Variants in CRIP2 observed in about 807,000 individuals in gnomAD.
The protein encoded by CRIP2 is cysteine rich protein 2, also known as cysteine-rich protein 2.
CRIP2 carries 31 observed loss-of-function variants against 31.3 expected under a neutral mutation model. The observed-to-expected ratio is 0.99, with a 90% CI of 0.74 to 1.34. The LOEUF (loss-of-function observed/expected upper bound fraction) is 1.34, where lower values mean the gene tolerates loss of function less well. CRIP2 is among the 40% of genes most tolerant of loss of function. CRIP2 has a pLI of 0.00. For synonymous variants in CRIP2, 177 were observed against 127.2 expected (o/e 1.39, Z -2.63); for missense variants, 389 against 301.6 (o/e 1.29, Z -2.15).
Position 105,479,313 on chromosome 14 carries a change from T to G in CRIP2, c.501+94T>G, listed in dbSNP as rs2084034869. ...CGCGCCTAGAGGGGATGGGGGGTGG[T>G]GCTTCTGGGAGCTGCGCTGCCCTCT... is the stretch of plus-strand genomic sequence containing the variant. On this transcript the variant is annotated intron_variant, in intron 6 of 7. Coordinates refer to ENST00000329146, the MANE Select transcript of CRIP2 (RefSeq NM_001312.4). 3 of 1,515,206 alleles carry G rather than the reference T, an allele frequency of 2.0e-6. No individual in the cohort carries two copies. In the East Asian group the frequency reaches 6.9e-5, roughly 35 times the overall value. 93.9% of individuals were successfully genotyped at this position (1,515,206 alleles called of 1,614,324 possible).
At position 105,474,918 on chromosome 14, in the gene CRIP2, C is replaced by G. The variant is rs1201147181; in HGVS notation, c.43+13C>G. On this transcript the variant is annotated intron_variant, in intron 1 of 7. Transcript: ENST00000329146. This position sits in a 1 kb window ranked among gnomAD's most constrained non-coding sequence, Gnocchi z 5.1. ...ACCGTGTACTTCGGTGAGTGCGTGCCCGCTCCCGGCCCGCTCGGTGCATCC... is the reference window on the plus strand; with the variant it reads ...ACCGTGTACTTCGGTGAGTGCGTGCGCGCTCCCGGCCCGCTCGGTGCATCC... 38 of 1,507,546 alleles carry G rather than the reference C, an allele frequency of 2.5e-5. No homozygotes were observed. Among genetic ancestry groups the G allele is most frequent in the Non-Finnish European group, 3.2e-5 (36 of 1,127,892 alleles). 93.4% of individuals were successfully genotyped at this position (1,507,546 alleles called of 1,614,324 possible).
In CRIP2 at chr14:105,478,910, C is replaced by A; in HGVS notation, c.337+39C>A. The A allele has an allele frequency of 1.3e-6, 2 of 1,487,484 alleles. No individual in the cohort carries two copies. The highest frequency in any genetic ancestry group is 2.3e-5 in the Admixed American group (1 of 43,060). 92.1% of individuals were successfully genotyped at this position (1,487,484 alleles called of 1,614,324 possible). A position where few individuals can be genotyped will look rare whatever the true frequency, so the allele number is the denominator to read the frequency against. ...GGGCTGGGGCTGGGGGTTGTGGGCACGCGCGGGCTGGGGCTGGGGGTTGTG... is the reference window on the plus strand; with the variant it reads ...GGGCTGGGGCTGGGGGTTGTGGGCAAGCGCGGGCTGGGGCTGGGGGTTGTG... On this transcript the variant is annotated intron_variant, in intron 4 of 7. Transcript: ENST00000329146. This position sits in a 1 kb window ranked among gnomAD's most constrained non-coding sequence, Gnocchi z 4.9.
At position 105,478,241 on chromosome 14, in the gene CRIP2, C is replaced by G. The variant is rs1555436317; in HGVS notation, c.44-25C>G. ...GGTGCGGGGCGCGCCCCGGCCCTGA[C>G]CCCCCTGCCGCCCCTCCCGCTCAGC... On this transcript the variant is annotated intron_variant, in intron 1 of 7. Coordinates refer to ENST00000329146, the MANE Select transcript of CRIP2 (RefSeq NM_001312.4). This position sits in a 1 kb window ranked among gnomAD's most constrained non-coding sequence, Gnocchi z 4.9. 1 of 1,505,784 alleles carries G rather than the reference C, an allele frequency of 6.6e-7. No individual in the cohort carries two copies. Among genetic ancestry groups the G allele is most frequent in the African/African-American group, 1.4e-5 (1 of 69,906 alleles). 93.3% of individuals were successfully genotyped at this position (1,505,784 alleles called of 1,614,324 possible).
At position 105,476,616 on chromosome 14, in the gene CRIP2, C is replaced by T. The variant is rs1325685040; in HGVS notation, c.44-1650C>T. On this transcript the variant is annotated intron_variant, in intron 1 of 7. Coordinates refer to ENST00000329146, the MANE Select transcript of CRIP2 (RefSeq NM_001312.4). ...TCCCTGCCCCCACTTGGCCCACGTC[C>T]CAGAGCTGGCCAGAGCACAGTGCTG... The T allele has an allele frequency of 8.1e-6, 8 of 985,374 alleles. No individual in the cohort carries two copies. In the African/African-American group the frequency reaches 8.7e-5, roughly 11 times the overall value. 61.0% of individuals were successfully genotyped at this position (985,374 alleles called of 1,614,324 possible). A position where few individuals can be genotyped will look rare whatever the true frequency, so the allele number is the denominator to read the frequency against.
In CRIP2 at chr14:105,478,457, G is replaced by T. The variant is rs1555436407; in HGVS notation, c.146G>T (p.Gly49Val). Residue 49 changes from glycine (G) to valine (V), a missense_variant, in exon 3 of 8, where the codon GGG becomes GTG. Transcript: ENST00000329146. The surrounding 1 kb of genome is among the most constrained non-coding windows in gnomAD (Gnocchi z 4.9). Reference protein sequence around the residue: ...LTPGGHAEHDGKPFCHKPCYA... With the variant: ...LTPGGHAEHDVKPFCHKPCYA... ...CCGCGCCCCTCTGCGCAGCATGACG[G>T]GAAGCCGTTCTGCCACAAGCCGTGC... The T allele has an allele frequency of 1.2e-6, 2 of 1,606,028 alleles. No homozygotes were observed. The highest frequency in any genetic ancestry group is 3.3e-5 in the Admixed American group (2 of 59,824).
At chr14:105,474,202 G>A (rs1375482563), upstream of CRIP2, 8 of 152,662 alleles carry the variant, frequency 5.2e-5, no homozygotes, top group African/African-American at 1.9e-4. The surrounding 1 kb of genome is among the most constrained non-coding windows in gnomAD (Gnocchi z 5.1). Context: ...CAGCACCACA[G>A]ACAGTGTTGG....
At chr14:105,476,112 G>C in intron 1 of CRIP2, 1 of 985,530 alleles carries the variant, frequency 1.0e-6, no homozygotes, top group Non-Finnish European at 1.2e-6. Context: ...CTCAGTCTCT[G>C]TCCCAGCGAG....
At chr14:105,473,005 T>C (rs2083868500), upstream of CRIP2, 2 of 601,898 alleles carry the variant, frequency 3.3e-6, no homozygotes, top group South Asian at 2.0e-5. Flanking sequence ...AGAAGAGCCC[T>C]GTGTTCAGCC....
chr14:105,479,981 C>A lies in CRIP2; in HGVS notation c.*328C>A. ...TCTCCCTCTCCTGCTGCCCACCCAC[C>A]TGCCAGTGTTATTTATGCTCCCTTC... is the stretch of plus-strand genomic sequence containing the variant. On this transcript the variant is annotated 3_prime_UTR_variant, in exon 8 of 8. Coordinates refer to ENST00000329146, the MANE Select transcript of CRIP2 (RefSeq NM_001312.4). 1 of 369,796 alleles carries A rather than the reference C, an allele frequency of 2.7e-6. No individual in the cohort carries two copies. The highest frequency in any genetic ancestry group is 3.0e-5 in the South Asian group (1 of 33,148). 22.9% of individuals were successfully genotyped at this position (369,796 alleles called of 1,614,324 possible). A position where few individuals can be genotyped will look rare whatever the true frequency, so the allele number is the denominator to read the frequency against.
In CRIP2 at chr14:105,478,495, T is replaced by G; in HGVS notation, c.184T>G (p.Phe62Val). 6.2e-7 allele frequency: 1 copy of G among 1,609,130 alleles called. No individual in the cohort carries two copies. The highest frequency in any genetic ancestry group is 8.5e-7 in the Non-Finnish European group (1 of 1,179,056). The change falls in exon 3 of 8, where the codon TTC (phenylalanine) becomes GTC (valine). Residue 62 changes from phenylalanine (F) to valine (V), a missense_variant. By Grantham distance (50) the Phe-to-Val change is conservative. Coordinates refer to ENST00000329146, the MANE Select transcript of CRIP2 (RefSeq NM_001312.4). This position sits in a 1 kb window ranked among gnomAD's most constrained non-coding sequence, Gnocchi z 4.9. ...FCHKPCYATL[F>V]GPKGVNIGGA... Reference sequence around the variant, plus strand: ...CCACAAGCCGTGCTACGCCACCCTGTTCGGACCCAAAGGTGAGCTCCGGCT... The same window carrying G: ...CCACAAGCCGTGCTACGCCACCCTGGTCGGACCCAAAGGTGAGCTCCGGCT...
At position 105,478,923 on chromosome 14, in the gene CRIP2, G is replaced by A; in HGVS notation, c.337+52G>A. On this transcript the variant is annotated intron_variant, in intron 4 of 7. Coordinates refer to ENST00000329146, the MANE Select transcript of CRIP2 (RefSeq NM_001312.4). The surrounding 1 kb of genome is among the most constrained non-coding windows in gnomAD (Gnocchi z 4.9). ...GGGTTGTGGGCACGCGCGGGCTGGGGCTGGGGGTTGTGGGCACCCCCGGCC... is the reference window on the plus strand; with the variant it reads ...GGGTTGTGGGCACGCGCGGGCTGGGACTGGGGGTTGTGGGCACCCCCGGCC... The A allele has an allele frequency of 6.6e-7, 1 of 1,522,898 alleles. No homozygotes were observed. The highest frequency in any genetic ancestry group is 8.8e-7 in the Non-Finnish European group (1 of 1,140,204). The allele number at this position is 1,522,898 out of a possible 1,614,324, so 94.3% of individuals were successfully genotyped here.
At chr14:105,476,988 C>G (rs2083945207) in intron 1 of CRIP2, 1 of 180,338 alleles carries the variant, frequency 5.5e-6, no homozygotes, top group Non-Finnish European at 1.1e-5. Flanking sequence ...ATGCCCCTCC[C>G]CGATATCTGC....
In CRIP2 at chr14:105,478,584, G is replaced by A; in HGVS notation, c.196+77G>A. ...GCGCTGGCGCTGGGGAGGGCTGGGG[G>A]TCCCGGCCGCCGTGGATCCCCGCCC... On this transcript the variant is annotated intron_variant, in intron 3 of 7. Coordinates refer to ENST00000329146, the MANE Select transcript of CRIP2 (RefSeq NM_001312.4). This position sits in a 1 kb window ranked among gnomAD's most constrained non-coding sequence, Gnocchi z 4.9. The A allele has an allele frequency of 1.3e-6, 2 of 1,539,286 alleles. No homozygotes were observed. Among genetic ancestry groups the A allele is most frequent in the Non-Finnish European group, 1.8e-6 (2 of 1,142,124 alleles).
intron 1 of CRIP2, chr14:105,475,214 G>C (rs762299971): frequency 3.4e-6 from 1 of 297,388 alleles, no homozygotes; most frequent in African/African-American, 2.2e-5. Context: ...GGGGATCCGC[G>C]GACGCATCCC....
intron 6 of CRIP2, 48 bp downstream of exon 6, chr14:105,479,267 C>T (rs1567064090): frequency 1.1e-5 from 11 of 1,014,642 alleles, no homozygotes; most frequent in South Asian, 9.8e-5. Flanking sequence ...GGCGCGGGGT[C>T]GGGGGGATGA....
chr14:105,476,163 G>A (rs1330068317), intron 1 of CRIP2: 1 of 985,370 alleles, frequency 1.0e-6, no homozygotes, highest in Non-Finnish European at 1.2e-6. Flanking sequence ...CGGTCCCCAG[G>A]GCCCTTCTGC....
upstream of CRIP2, chr14:105,474,458 C>CAA (rs2083890388): frequency 6.6e-6 from 1 of 151,238 alleles, no homozygotes; most frequent in Non-Finnish European, 1.5e-5. This position sits in a 1 kb window ranked among gnomAD's most constrained non-coding sequence, Gnocchi z 5.1. Flanking sequence ...CCCCTAGGCC[C>CAA]AAGTCACTAG....
chr14:105,479,239 G>A lies in CRIP2; in HGVS notation c.501+20G>A, dbSNP rs782009863. ...GCGGAGGTGAGGGGAGTGCAACGGG[G>A]CTTGGGGGCCGGGCAGGGGCGCGGG... On this transcript the variant is annotated intron_variant, in intron 6 of 7. Transcript: ENST00000329146. 2.0e-5 allele frequency: 32 copies of A among 1,601,814 alleles called. No homozygotes were observed. The Admixed American group carries it at 3.7e-4, about 19-fold the overall frequency.
chr14:105,479,078 C>A (rs1047057001), intron 5 of CRIP2, 31 bp downstream of exon 5: 2 of 1,578,370 alleles, frequency 1.3e-6, no homozygotes, highest in Admixed American at 1.8e-5. Flanking sequence ...CGGACCCCCG[C>A]CCCCGCCCCC....
Sources: allele counts gnomAD v4.1 joint callset, GRCh38; gene constraint gnomAD v4.1.1; non-coding constraint Gnocchi (gnomAD v3.1); transcripts MANE v1.5; gene names NCBI Gene and HGNC (gene_info 2026-07-23, HGNC 2026-07-21).